SMARCC1: variants seen among roughly 807,000 people sequenced by gnomAD.
SMARCC1 encodes SWI/SNF complex subunit SMARCC1.
Under a neutral mutation model 147.4 loss-of-function variants are expected in SMARCC1, and 43 were observed. That is an observed-to-expected ratio of 0.29 (90% CI 0.23 to 0.38). The LOEUF (loss-of-function observed/expected upper bound fraction) is 0.38. Ranked by LOEUF, SMARCC1 falls within the 10% of genes least tolerant of loss-of-function variation. The pLI is 1.00. For missense variants in SMARCC1, 1,119 were observed against 1,381.1 expected (o/e 0.81, Z 3.01); for synonymous variants, 495 against 484.4 (o/e 1.02, Z -0.29).
intron 8 of SMARCC1, 115 bp downstream of exon 8, chr3:47,714,300 T>C (rs1300826054): frequency 1.1e-5 from 7 of 656,498 alleles, no homozygotes; most frequent in African/African-American, 1.9e-5. Flanking sequence ...GAGGCGGAGG[T>C]TGCAGTAAGC....
Position 47,610,543 on chromosome 3 carries a change from C to A in SMARCC1, c.2782-216G>T. ...CTGTTACCATGGTCAAAGTCTTCTC[C>A]ATGTTGAGTCTAAGTCTTTCCTTGC... is the stretch of plus-strand genomic sequence containing the variant. On this transcript the variant is annotated intron_variant, in intron 25 of 27. Coordinates refer to ENST00000254480, the MANE Select transcript of SMARCC1 (RefSeq NM_003074.4). 6.8e-6 allele frequency: 4 copies of A among 584,768 alleles called. No homozygotes were observed. In the South Asian group the frequency reaches 8.0e-5, roughly 12 times the overall value. The allele number at this position is 584,768 out of a possible 1,614,324, so 36.2% of individuals were successfully genotyped here.
intron 2 of SMARCC1, among the ~76,000 whole-genome samples, chr3:47,767,245 C>CTT (rs1354572113): frequency 3.3e-5 from 4 of 120,956 alleles, no homozygotes; most frequent in Admixed American, 8.3e-5. Flanking sequence ...TCCTTTTTCT[C>CTT]TTTTTTTTTT....
chr3:47,641,060 C>A (rs1012000396), intron 21 of SMARCC1, among the ~76,000 whole-genome samples: 3 of 152,190 alleles, frequency 2.0e-5, no homozygotes, highest in Non-Finnish European at 4.4e-5. Context: ...AAAAATCCTA[C>A]AACAAATAAC....
chr3:47,661,310 A>G lies in SMARCC1; in HGVS notation c.2304T>C (p.Asp768=), dbSNP rs2033343769. The G allele has an allele frequency of 6.2e-7, 1 of 1,611,578 alleles. No individual in the cohort carries two copies. The highest frequency in any genetic ancestry group is 2.2e-5 in the East Asian group (1 of 44,870). Residue 768 remains aspartate, a synonymous_variant, in exon 21 of 28, where the codon GAT becomes GAC. Transcript: ENST00000254480. Reference sequence around the variant, plus strand: ...GTGACTCACCAAGCTTCTCTGGCTCATCGGGCCCTGTGCCTGCAATGCAGC... The same window carrying G: ...GTGACTCACCAAGCTTCTCTGGCTCGTCGGGCCCTGTGCCTGCAATGCAGC... ...ESSCIAGTGP[D]EPEKLEGAEE...
chr3:47,695,055 G>GA (rs923700336), intron 11 of SMARCC1, among the ~76,000 whole-genome samples: 34 of 152,272 alleles, frequency 2.2e-4, no homozygotes, highest in African/African-American at 6.5e-4. Flanking sequence ...ATAGTAACGG[G>GA]AAAAAATGTG....
intron 21 of SMARCC1, among the ~76,000 whole-genome samples, chr3:47,641,646 C>T (rs1327850552): frequency 6.6e-6 from 1 of 152,028 alleles, no homozygotes; most frequent in East Asian, 1.9e-4. Context: ...AAACCAACTG[C>T]TACATTTTGA....
intron 2 of SMARCC1, among the ~76,000 whole-genome samples, chr3:47,764,918 A>G (rs1189816378): frequency 6.6e-6 from 1 of 152,194 alleles, no homozygotes; most frequent in Non-Finnish European, 1.5e-5. Context: ...ATAATACTAT[A>G]TTATTCAGGG....
chr3:47,650,675 G>C (rs1490624011), intron 21 of SMARCC1, among the ~76,000 whole-genome samples: 1 of 151,874 alleles, frequency 6.6e-6, no homozygotes, highest in African/African-American at 2.4e-5. Context: ...AATTAGCCAG[G>C]GATGGTGGTG....
chr3:47,723,832 G>T (rs4858850), intron 6 of SMARCC1, among the ~76,000 whole-genome samples: 145,791 of 152,142 alleles, frequency 0.96, 70,162 homozygotes, highest in East Asian at 1. Context: ...AAAATAAAAA[G>T]AAAAAAGAAA....
intron 19 of SMARCC1, among the ~76,000 whole-genome samples, chr3:47,663,285 T>C (rs993549116): frequency 4.0e-5 from 6 of 149,884 alleles, no homozygotes; most frequent in South Asian, 2.1e-4. Context: ...TACTAATACA[T>C]ACAGACATGA....
At chr3:47,609,331 C>T (rs371080855) in intron 26 of SMARCC1, among the ~76,000 whole-genome samples, 39 of 152,140 alleles carry the variant, frequency 2.6e-4, no homozygotes, top group African/African-American at 9.4e-4. Flanking sequence ...CCCGTCTCTA[C>T]TAAAAATACA....
chr3:47,731,718 A>G (rs1411979996), intron 5 of SMARCC1, among the ~76,000 whole-genome samples: 2 of 152,234 alleles, frequency 1.3e-5, no homozygotes, highest in Non-Finnish European at 2.9e-5. Context: ...ATGAGCAGTA[A>G]TATTTCAAAA....
chr3:47,735,239 T>A (rs1366781836), intron 5 of SMARCC1, among the ~76,000 whole-genome samples: 1 of 152,094 alleles, frequency 6.6e-6, no homozygotes, highest in Admixed American at 6.6e-5. Flanking sequence ...TTTCCTTAGG[T>A]CTATGTAAGC....
At chr3:47,712,128 A>G (rs1246646342) in intron 8 of SMARCC1, among the ~76,000 whole-genome samples, 1 of 152,184 alleles carries the variant, frequency 6.6e-6, no homozygotes. Context: ...GCTACTCGGG[A>G]GGCTGAGGCA....
intron 18 of SMARCC1, 74 bp from the exon 19 acceptor site, chr3:47,670,791 A>C: frequency 1.1e-6 from 1 of 895,650 alleles, no homozygotes; most frequent in South Asian, 1.3e-5. Context: ...ATTCCTTTCC[A>C]AGCTCAGGGG....
chr3:47,620,003 C>T (rs1456104257), intron 25 of SMARCC1, among the ~76,000 whole-genome samples: 1 of 152,158 alleles, frequency 6.6e-6, no homozygotes, highest in Non-Finnish European at 1.5e-5. Context: ...CTAAAATGAT[C>T]AGTATTCTGG....
At chr3:47,761,090 G>A (rs891587301) in intron 2 of SMARCC1, among the ~76,000 whole-genome samples, 8 of 151,840 alleles carry the variant, frequency 5.3e-5, no homozygotes, top group Admixed American at 2.0e-4. Context: ...CTGAGATCGC[G>A]CTACCACACT....
chr3:47,609,271 C>T (rs1056064134), intron 26 of SMARCC1, among the ~76,000 whole-genome samples: 16 of 152,076 alleles, frequency 1.1e-4, no homozygotes, highest in East Asian at 3.9e-4. Context: ...CTGAGGTGGG[C>T]GGATCACGAG....
At chr3:47,654,836 T>A (rs1008030600) in intron 21 of SMARCC1, among the ~76,000 whole-genome samples, 1 of 152,158 alleles carries the variant, frequency 6.6e-6, no homozygotes, top group Non-Finnish European at 1.5e-5. Flanking sequence ...ACTACAAGAA[T>A]AGCACCAAGC....
Sources: gnomAD v4.1 joint callset for allele counts (sites outside exome capture counted in the v4.1 genomes callset) on GRCh38, gnomAD v4.1.1 for gene constraint, MANE v1.5 for transcripts, NCBI Gene and HGNC (gene_info 2026-07-23, HGNC 2026-07-21) for gene names.